MMP8: variants seen among roughly 807,000 people sequenced by gnomAD.
The protein encoded by MMP8 is neutrophil collagenase.
A neutral mutation model predicts 51.2 loss-of-function variants in MMP8; 67 were observed. The ratio of observed to expected loss-of-function variants is 1.31; its 90% confidence interval spans 1.08 to 1.60. The LOEUF is 1.60. Ranked by LOEUF, MMP8 falls within the 40% of genes most tolerant of loss-of-function variation. The pLI is 0.00. For missense variants in MMP8, 654 were observed against 558.1 expected, an observed-to-expected ratio of 1.17 and a Z score of -1.73; for synonymous variants, 225 against 191.0, an observed-to-expected ratio of 1.18 and a Z score of -1.47.
chr11:102,721,833 T>C (rs1591682031), intron 2 of MMP8, 71 bp from the exon 3 acceptor site: 5 of 1,553,720 alleles, frequency 3.2e-6, no homozygotes, highest in Non-Finnish European at 4.4e-6. Flanking sequence ...GATGAGTTGT[T>C]CTGTTTTGAA....
intron 1 of MMP8, chr11:102,723,079 C>T: frequency 7.8e-7 from 1 of 1,286,194 alleles, no homozygotes; most frequent in South Asian, 1.2e-5. Context: ...CTTATTTATT[C>T]TGCTGAACAA....
At position 102,724,937 on chromosome 11, in the gene MMP8, T is replaced by G; in HGVS notation, c.-82A>C. 2.7e-6 allele frequency: 4 copies of G among 1,465,520 alleles called. No homozygotes were observed. The highest frequency in any genetic ancestry group is 3.6e-6 in the Non-Finnish European group (4 of 1,098,162). The allele number at this position is 1,465,520 out of a possible 1,614,324, so 90.8% of individuals were successfully genotyped here. ...CCCTTCCCTGGCGAGCACCCTGACGTTCACAGCATCATGTGTCACTCACAG... is the reference window on the plus strand; with the variant it reads ...CCCTTCCCTGGCGAGCACCCTGACGGTCACAGCATCATGTGTCACTCACAG... On this transcript the variant is annotated 5_prime_UTR_variant, in exon 1 of 10. Coordinates refer to ENST00000236826, the MANE Select transcript of MMP8 (RefSeq NM_002424.3).
intron 5 of MMP8, 140 bp downstream of exon 5, chr11:102,718,274 A>T: frequency 2.2e-6 from 2 of 906,594 alleles, no homozygotes; most frequent in Non-Finnish European, 3.3e-6. Flanking sequence ...CTTCTTTGTT[A>T]ATGCTTTATT....
chr11:102,722,910 G>T, intron 1 of MMP8: 1 of 1,072,926 alleles, frequency 9.3e-7, no homozygotes, highest in Non-Finnish European at 1.3e-6. Flanking sequence ...CATAAGGGAT[G>T]AGGATCACAT....
chr11:102,723,922 A>C (rs1333969333), intron 1 of MMP8: 1 of 335,038 alleles, frequency 3.0e-6, no homozygotes, highest in Non-Finnish European at 6.3e-6. Context: ...CACATTATTT[A>C]TCTGATTTAA....
chr11:102,724,843 T>C lies in MMP8; in HGVS notation c.13A>G (p.Lys5Glu). The C allele has an allele frequency of 6.2e-7, 1 of 1,609,848 alleles. No individual in the cohort carries two copies. The highest frequency in any genetic ancestry group is 1.3e-5 in the African/African-American group (1 of 74,984). Reference protein sequence around the residue: MFSLKTLPFLLLLHV... With the variant: MFSLETLPFLLLLHV... ...AGTAAGAGCAGAAATGGAAGCGTCT[T>C]CAGGGAGAACATGATCTTCTCTTCA... Residue 5 changes from lysine to glutamate, a missense_variant, in exon 1 of 10, where the codon AAG (lysine) becomes GAG (glutamate). Physicochemically the swap from Lys to Glu is moderately conservative, Grantham distance 56. Coordinates refer to ENST00000236826, the MANE Select transcript of MMP8 (RefSeq NM_002424.3).
chr11:102,716,423 GAAAAAAAAA>G lies in MMP8; in HGVS notation c.785-13_785-5del, dbSNP rs751481811. The G allele has an allele frequency of 2.0e-4, 80 of 395,630 alleles. No homozygotes were observed. Among genetic ancestry groups the G allele is most frequent in the South Asian group, 1.7e-3 (59 of 34,532 alleles). The allele number at this position is 395,630 out of a possible 1,614,324, so 24.5% of individuals were successfully genotyped here. A position where few individuals can be genotyped will look rare whatever the true frequency, so the allele number is the denominator to read the frequency against. On this transcript the variant is annotated splice_region_variant and splice_polypyrimidine_tract_variant and intron_variant, in intron 5 of 9. Transcript: ENST00000236826. ...TGGATAGGGTTGCTTGAAAGTCCTG[GAAAAAAAAA>G]AAAAAAAAAAAAAAAGGTCTTTCTT...
chr11:102,713,185 T>C lies in MMP8; in HGVS notation c.*163A>G. Reference sequence around the variant, plus strand: ...GAATAAGCCTCTGCAAATAGTGGAATATTCCAAACATATTTTCACGGAGGA... The same window carrying C: ...GAATAAGCCTCTGCAAATAGTGGAACATTCCAAACATATTTTCACGGAGGA... On this transcript the variant is annotated 3_prime_UTR_variant, in exon 10 of 10. Coordinates refer to ENST00000236826, the MANE Select transcript of MMP8 (RefSeq NM_002424.3). 1.7e-6 allele frequency: 1 copy of C among 579,918 alleles called. No homozygotes were observed. The highest frequency in any genetic ancestry group is 3.1e-6 in the Non-Finnish European group (1 of 325,386). The allele number at this position is 579,918 out of a possible 1,614,324, so 35.9% of individuals were successfully genotyped here. A position where few individuals can be genotyped will look rare whatever the true frequency, so the allele number is the denominator to read the frequency against.
rs747493763 is a variant in MMP8 at position 102,722,497 on chromosome 11, C to T, written c.279G>A (p.Val93=). ...LDMMKKPRCG[V]PDSGGFMLTP... The stretch of plus-strand genomic sequence containing the variant: ...TTAACATAAAACCACCACTGTCAGG[C>T]ACTCCACAGCGAGGCTTTTTCATCA... Residue 93 remains valine, a synonymous_variant, in exon 2 of 10, where the codon GTG becomes GTA. Coordinates refer to ENST00000236826, the MANE Select transcript of MMP8 (RefSeq NM_002424.3). 12 of 1,613,830 alleles carry T rather than the reference C, an allele frequency of 7.4e-6. No individual in the cohort carries two copies. In the African/African-American group the frequency reaches 1.5e-4, roughly 20 times the overall value.
Position 102,715,414 on chromosome 11 carries a change from T to A in MMP8, c.926A>T (p.Gln309Leu). The A allele has an allele frequency of 6.2e-7, 1 of 1,613,506 alleles. No individual in the cohort carries two copies. The highest frequency in any genetic ancestry group is 8.5e-7 in the Non-Finnish European group (1 of 1,179,680). The change falls in exon 7 of 10, where the codon CAG (glutamine) becomes CTG (leucine). Residue 309 changes from glutamine to leucine, a missense_variant. Physicochemically the swap from Gln to Leu is moderately radical, Grantham distance 113. Coordinates refer to ENST00000236826, the MANE Select transcript of MMP8 (RefSeq NM_002424.3). ...KDRYFWRRHP[Q>L]LQRVEMNFIS... is the part of the protein sequence containing the mutation. ...AAAATTCATTTCGACTCTTTGTAGC[T>A]GAGGATGCCTTCTCCAGAAGTACCT...
chr11:102,715,209 C>T, intron 7 of MMP8, 95 bp downstream of exon 7: 1 of 1,446,098 alleles, frequency 6.9e-7, no homozygotes, highest in African/African-American at 1.4e-5. Flanking sequence ...TTAATGCTGT[C>T]ATTAGCTCAC....
At chr11:102,724,229 T>C (rs1861553122) in intron 1 of MMP8, among the ~76,000 whole-genome samples, 1 of 152,252 alleles carries the variant, frequency 6.6e-6, no homozygotes, top group African/African-American at 2.4e-5. Context: ...CTATTGGTTC[T>C]GCTTTTATAA....
chr11:102,724,815 T>C lies in MMP8; in HGVS notation c.41A>G (p.His14Arg). ...LKTLPFLLLL[H>R]VQISKAFPVS... ...AGGAAAGGCCTTGGAAATCTGCACA[T>C]GGAGTAAGAGCAGAAATGGAAGCGT... The change falls in exon 1 of 10, where the codon CAT becomes CGT. Residue 14 changes from histidine (H) to arginine (R), a missense_variant. By Grantham distance (29) the His-to-Arg change is conservative (BLOSUM62 0). Coordinates refer to ENST00000236826, the MANE Select transcript of MMP8 (RefSeq NM_002424.3). The C allele has an allele frequency of 1.2e-6, 2 of 1,610,274 alleles. No individual in the cohort carries two copies. Among genetic ancestry groups the C allele is most frequent in the Non-Finnish European group, 1.7e-6 (2 of 1,177,754 alleles).
rs1416431104 is a variant in MMP8, at chr11:102,711,972, G to GCTATATTATAT, written c.*1365_*1375dup. On this transcript the variant is annotated 3_prime_UTR_variant, in exon 10 of 10. Transcript: ENST00000236826. The stretch of plus-strand genomic sequence containing the variant: ...AGTCTACATATTTATTGTATAATAA[G>GCTATATTATAT]CTATATTATATTCTAATAACAGCAA... The GCTATATTATAT allele has an allele frequency of 3.9e-5, 6 of 152,066 alleles. No homozygotes were observed. The highest frequency in any genetic ancestry group is 6.6e-5 in the Admixed American group (1 of 15,262). 9.4% of individuals were successfully genotyped at this position (152,066 alleles called of 1,614,324 possible). A position where few individuals can be genotyped will look rare whatever the true frequency, so the allele number is the denominator to read the frequency against.
At chr11:102,715,463 C>T (rs766892169) in intron 6 of MMP8, 26 bp from the exon 7 acceptor site, 1 of 1,604,000 alleles carries the variant, frequency 6.2e-7, no homozygotes, top group Admixed American at 1.7e-5. Flanking sequence ...GAAACACACA[C>T]ACACACTTAT....
At chr11:102,718,663 A>G (rs1861379631) in intron 4 of MMP8, 88 bp from the exon 5 acceptor site, 7 of 1,475,910 alleles carry the variant, frequency 4.7e-6, no homozygotes, top group Non-Finnish European at 5.6e-6. Flanking sequence ...CTCCAAGTCA[A>G]AACTGCTCAG....
Position 102,715,452 on chromosome 11 carries a change from G to GTTCCGTACCTAACATAAGTACCTAAC in MMP8, c.903-16_903-15insGTTAGGTACTTATGTTAGGTACGGAA. 1 of 1,607,558 alleles carries GTTCCGTACCTAACATAAGTACCTAAC rather than the reference G, an allele frequency of 6.2e-7. No individual in the cohort carries two copies. The highest frequency in any genetic ancestry group is 8.5e-7 in the Non-Finnish European group (1 of 1,177,238). ...TCCAGAAGTACCTAACGGAACATAA[G>GTTCCGTACCTAACATAAGTACCTAAC]GAAACACACACACACACTTATACAT... On this transcript the variant is annotated splice_polypyrimidine_tract_variant and intron_variant, in intron 6 of 9. Transcript: ENST00000236826.
In MMP8 at chr11:102,724,899, C is replaced by G. The variant is rs1861576159; in HGVS notation, c.-44G>C. The G allele has an allele frequency of 3.2e-6, 5 of 1,585,148 alleles. No homozygotes were observed. The African/African-American group carries it at 6.7e-5, about 21-fold the overall frequency. On this transcript the variant is annotated 5_prime_UTR_variant, in exon 1 of 10. Coordinates refer to ENST00000236826, the MANE Select transcript of MMP8 (RefSeq NM_002424.3). ...TACCCCTCCTGGCTTTCTTTCTGTC[C>G]CTCTGGGTAGGGCCCTTCCCTGGCG...
intron 2 of MMP8, 42 bp from the exon 3 acceptor site, chr11:102,721,804 G>T: frequency 6.2e-7 from 1 of 1,603,152 alleles, no homozygotes; most frequent in South Asian, 1.1e-5. Context: ...ATGTTATTTA[G>T]AACAGTAGTC....
Sources: gnomAD v4.1 joint callset for allele counts (sites outside exome capture counted in the v4.1 genomes callset) on GRCh38, gnomAD v4.1.1 for gene constraint, MANE v1.5 for transcripts, NCBI Gene and HGNC (gene_info 2026-07-23, HGNC 2026-07-21) for gene names.